The following CHRM3 variants were observed in gnomAD, a reference collection of about 807,000 sequenced individuals.
The protein encoded by CHRM3 is cholinergic receptor muscarinic 3, also known as muscarinic acetylcholine receptor M3.
Under a neutral mutation model 41.8 loss-of-function variants are expected in CHRM3, and 11 were observed. The ratio of observed to expected loss-of-function variants is 0.26; its 90% CI spans 0.17 to 0.44. The LOEUF (loss-of-function observed/expected upper bound fraction) is 0.44, where lower values mean the gene tolerates loss of function less well. Among genes scored for constraint, CHRM3 ranks in the 20% least tolerant of loss-of-function variants. The pLI, the probability that CHRM3 is intolerant of heterozygous loss-of-function variation, is 1.00. For missense variants in CHRM3, 571 were observed against 745.4 expected (o/e 0.77, Z 2.72); for synonymous variants, 297 against 301.4 (o/e 0.99, Z 0.15).
chr1:239,458,888 C>T (rs77814597), intron 1 of CHRM3, among the ~76,000 whole-genome samples: 1 of 29,446 alleles, frequency 3.4e-5, no homozygotes, highest in South Asian at 1.4e-3. Context: ...AAATGGGAGA[C>T]CCCCCCCCAT....
At chr1:239,548,144 G>T (rs2016083688) in intron 3 of CHRM3, among the ~76,000 whole-genome samples, 1 of 152,114 alleles carries the variant, frequency 6.6e-6, no homozygotes, top group African/African-American at 2.4e-5. Context: ...ATTGTCCTTT[G>T]AGCTTACACT....
intron 5 of CHRM3, among the ~76,000 whole-genome samples, chr1:239,787,659 G>C (rs187933947): frequency 6.6e-6 from 1 of 152,136 alleles, no homozygotes; most frequent in African/African-American, 2.4e-5. Context: ...ATGCTGAGGG[G>C]AAGCGGGAAC....
At chr1:239,718,118 C>T in intron 5 of CHRM3, among the ~76,000 whole-genome samples, 1 of 151,996 alleles carries the variant, frequency 6.6e-6, no homozygotes, top group East Asian at 1.9e-4. Context: ...CAAATAATAG[C>T]AAAGCTTTAA....
intron 6 of CHRM3, among the ~76,000 whole-genome samples, chr1:239,867,184 T>G (rs1676184040): frequency 6.6e-6 from 1 of 152,194 alleles, no homozygotes; most frequent in African/African-American, 2.4e-5. Context: ...CAAGTAGAAT[T>G]ATAAAATAAT....
intron 1 of CHRM3, among the ~76,000 whole-genome samples, chr1:239,439,558 T>G (rs1663544259): frequency 6.6e-6 from 1 of 152,134 alleles, no homozygotes; most frequent in Non-Finnish European, 1.5e-5. Context: ...AGAAAGCATT[T>G]ATTGGATAAA....
chr1:239,775,206 C>A (rs185663073), intron 5 of CHRM3, among the ~76,000 whole-genome samples: 2 of 152,176 alleles, frequency 1.3e-5, no homozygotes, highest in Middle Eastern at 3.4e-3. Flanking sequence ...TTAAGAATTA[C>A]TGAAAAATCA....
At chr1:239,704,658 A>G (rs1373845384) in intron 5 of CHRM3, 1 of 152,206 alleles carries the variant, frequency 6.6e-6, no homozygotes, top group African/African-American at 2.4e-5. Context: ...AGGAAAGGTT[A>G]GCCCTTCCCC....
At chr1:239,784,388 T>C (rs961642541) in intron 5 of CHRM3, among the ~76,000 whole-genome samples, 6 of 152,200 alleles carry the variant, frequency 3.9e-5, no homozygotes, top group African/African-American at 7.2e-5. Context: ...CCTTTCTTAG[T>C]ATATCAGTTT....
intron 6 of CHRM3, among the ~76,000 whole-genome samples, chr1:239,831,463 T>G (rs1267866618): frequency 6.6e-6 from 1 of 152,182 alleles, no homozygotes; most frequent in African/African-American, 2.4e-5. Flanking sequence ...CCGTTTTTCT[T>G]TGACTTGTTT....
At chr1:239,394,491 T>C (rs1400692326) in intron 1 of CHRM3, among the ~76,000 whole-genome samples, 1 of 152,204 alleles carries the variant, frequency 6.6e-6, no homozygotes, top group Non-Finnish European at 1.5e-5. Context: ...TCACATCACA[T>C]CTTTTGTCAT....
At chr1:239,518,848 A>T (rs1669442902) in intron 2 of CHRM3, among the ~76,000 whole-genome samples, 1 of 152,234 alleles carries the variant, frequency 6.6e-6, no homozygotes, top group South Asian at 2.1e-4. Context: ...TATATTTAAT[A>T]CAAAGACTTA....
chr1:239,589,080 C>T (rs1388467414), intron 3 of CHRM3, among the ~76,000 whole-genome samples: 4 of 151,758 alleles, frequency 2.6e-5, no homozygotes, highest in Admixed American at 6.6e-5. Context: ...ATTACAGGCA[C>T]GTGCCGTCAT....
intron 5 of CHRM3, among the ~76,000 whole-genome samples, chr1:239,745,301 C>A (rs891244268): frequency 6.6e-6 from 1 of 152,010 alleles, no homozygotes; most frequent in African/African-American, 2.4e-5. Flanking sequence ...TAATAACTTT[C>A]AACAAAGTTG....
chr1:239,669,859 A>T (rs112408147), intron 4 of CHRM3, among the ~76,000 whole-genome samples: 2 of 152,242 alleles, frequency 1.3e-5, no homozygotes, highest in Admixed American at 1.3e-4. Flanking sequence ...TTGCAGCTTC[A>T]ATAATTAGCA....
chr1:239,701,058 C>G (rs1660640959), intron 5 of CHRM3, among the ~76,000 whole-genome samples: 1 of 152,112 alleles, frequency 6.6e-6, no homozygotes, highest in Non-Finnish European at 1.5e-5. Flanking sequence ...TTTTATTTAC[C>G]CTTCAGTTGT....
chr1:239,680,903 A>G (rs1212171687), intron 5 of CHRM3, among the ~76,000 whole-genome samples: 1 of 152,064 alleles, frequency 6.6e-6, no homozygotes, highest in Non-Finnish European at 1.5e-5. Context: ...ATTAAGACGT[A>G]TCCAAGACTG....
At chr1:239,491,650 G>A (rs541173587) in intron 1 of CHRM3, among the ~76,000 whole-genome samples, 2 of 152,178 alleles carry the variant, frequency 1.3e-5, no homozygotes, top group Admixed American at 6.5e-5. Context: ...AAGCATAGGA[G>A]GGCAGATGTC....
At chr1:239,552,458 TTATA>T (rs953184351) in intron 3 of CHRM3, among the ~76,000 whole-genome samples, 9 of 147,744 alleles carry the variant, frequency 6.1e-5, no homozygotes, top group African/African-American at 2.2e-4. Flanking sequence ...GTATCATATT[TTATA>T]TATGTATAGA....
intron 4 of CHRM3, among the ~76,000 whole-genome samples, chr1:239,638,944 G>A (rs185201082): frequency 2.8e-4 from 42 of 152,078 alleles, no homozygotes; most frequent in African/African-American, 9.2e-4. Context: ...TTTCATATAA[G>A]GTATAAGGAA....
Sources: gnomAD v4.1 joint callset for allele counts (sites outside exome capture counted in the v4.1 genomes callset) on GRCh38, gnomAD v4.1.1 for gene constraint, MANE v1.5 for transcripts, NCBI Gene and HGNC (gene_info 2026-07-23, HGNC 2026-07-21) for gene names.